Variants in CFAP54 observed in about 807,000 individuals in gnomAD.
CFAP54 encodes cilia and flagella associated protein 54.
CFAP54 carries 290 observed loss-of-function variants against 370.4 expected under a neutral mutation model. The observed-to-expected ratio is 0.78, with a 90% CI of 0.71 to 0.86. The LOEUF is 0.86. Among genes scored for constraint, CFAP54 ranks in the 40% least tolerant of loss-of-function variants. The pLI is 0.00. For synonymous variants in CFAP54, 1,206 were observed against 1,236.5 expected, an observed-to-expected ratio of 0.98 and a Z score of 0.52; for missense variants, 3,399 against 3,528.7, an observed-to-expected ratio of 0.96 and a Z score of 0.93.
chr12:96,652,331 G>A (rs946901531), intron 36 of CFAP54, among the ~76,000 whole-genome samples: 39 of 152,202 alleles, frequency 2.6e-4, no homozygotes, highest in African/African-American at 9.4e-4. Flanking sequence ...ACATACACAT[G>A]TTGTGCCATG....
At chr12:96,872,697 G>A (rs539584750) in intron 67 of CFAP54, among the ~76,000 whole-genome samples, 4 of 152,256 alleles carry the variant, frequency 2.6e-5, no homozygotes, top group Admixed American at 2.6e-4. Context: ...TGATTAGAAA[G>A]GTATTTTGAT....
At chr12:96,823,825 G>C (rs1477831400) in intron 65 of CFAP54, among the ~76,000 whole-genome samples, 1 of 152,190 alleles carries the variant, frequency 6.6e-6, no homozygotes. Context: ...ACAAGGTAGG[G>C]GCAGCACCTC....
At chr12:96,864,494 G>C (rs145157624) in intron 67 of CFAP54, among the ~76,000 whole-genome samples, 1 of 152,112 alleles carries the variant, frequency 6.6e-6, no homozygotes, top group Non-Finnish European at 1.5e-5. Context: ...CAACGTGTTC[G>C]TCACAGAACT....
At position 96,663,883 on chromosome 12, in the gene CFAP54, T is replaced by C. The variant is rs1380657108; in HGVS notation, c.5514T>C (p.Ile1838=). The C allele has an allele frequency of 6.2e-7, 1 of 1,613,426 alleles. No homozygotes were observed. The change falls in exon 39 of 68, where the codon ATT becomes ATC. Residue 1838 remains isoleucine (I), a synonymous_variant. Transcript: ENST00000524981. Reference sequence around the variant, plus strand: ...AGCTTAAGATTAATTCTTCAACCATTGAAGCAACAAGCAACTGCACAGATT... The same window carrying C: ...AGCTTAAGATTAATTCTTCAACCATCGAAGCAACAAGCAACTGCACAGATT... The part of the protein sequence containing the change: ...GKQLKINSST[I]EATSNCTDLL...
chr12:96,553,742 A>T (rs1378962626), intron 15 of CFAP54, among the ~76,000 whole-genome samples: 1 of 151,798 alleles, frequency 6.6e-6, no homozygotes, highest in African/African-American at 2.4e-5. Context: ...GAAAATCATG[A>T]TGTAGACTAA....
chr12:96,759,971 C>T (rs1249630507), intron 58 of CFAP54, among the ~76,000 whole-genome samples: 1 of 152,196 alleles, frequency 6.6e-6, no homozygotes, highest in East Asian at 1.9e-4. Context: ...ATTTCTTAAA[C>T]ATTCATTTAT....
At chr12:96,807,854 T>G (rs1958897472) in intron 63 of CFAP54, among the ~76,000 whole-genome samples, 1 of 152,174 alleles carries the variant, frequency 6.6e-6, no homozygotes, top group African/African-American at 2.4e-5. Flanking sequence ...AGAATTATTA[T>G]TGCTCTAAGC....
At chr12:96,800,391 T>C (rs1266142767) in intron 63 of CFAP54, among the ~76,000 whole-genome samples, 1 of 152,200 alleles carries the variant, frequency 6.6e-6, no homozygotes, top group Non-Finnish European at 1.5e-5. Flanking sequence ...AGCAAATTGC[T>C]TGAGTGATTT....
chr12:96,576,288 T>C (rs1955974889), intron 19 of CFAP54, among the ~76,000 whole-genome samples: 4 of 151,896 alleles, frequency 2.6e-5, no homozygotes, highest in Admixed American at 1.3e-4. Context: ...TGGTAGATAT[T>C]CAAAAGGTTC....
intron 66 of CFAP54, among the ~76,000 whole-genome samples, chr12:96,856,936 A>G (rs527797725): frequency 2.6e-5 from 4 of 152,338 alleles, no homozygotes; most frequent in South Asian, 2.1e-4. Flanking sequence ...TTGTAAAGAA[A>G]AGAGGTTTAA....
At chr12:96,669,756 G>T (rs1464854662) in intron 39 of CFAP54, among the ~76,000 whole-genome samples, 2 of 152,180 alleles carry the variant, frequency 1.3e-5, no homozygotes, top group Admixed American at 1.3e-4. Flanking sequence ...AATGAGTAGA[G>T]CTATCCAGTG....
intron 5 of CFAP54, among the ~76,000 whole-genome samples, chr12:96,514,210 A>G (rs1348636602): frequency 1.3e-5 from 2 of 152,132 alleles, no homozygotes; most frequent in African/African-American, 4.8e-5. Flanking sequence ...ATATTCTAAC[A>G]CTCAGGAGAG....
chr12:96,642,292 C>T (rs903530190), intron 32 of CFAP54, among the ~76,000 whole-genome samples: 7 of 152,016 alleles, frequency 4.6e-5, no homozygotes, highest in Middle Eastern at 3.2e-3. Flanking sequence ...GTACAGCCCT[C>T]GAGTCAATTG....
At chr12:96,589,612 A>G in intron 23 of CFAP54, 49 bp downstream of exon 23, 2 of 1,182,816 alleles carry the variant, frequency 1.7e-6, no homozygotes, top group Non-Finnish European at 2.4e-6. Flanking sequence ...TTGAAAATAT[A>G]GATGCTGGAT....
intron 20 of CFAP54, among the ~76,000 whole-genome samples, chr12:96,577,288 A>G (rs1394517373): frequency 6.6e-6 from 1 of 152,226 alleles, no homozygotes; most frequent in Non-Finnish European, 1.5e-5. Flanking sequence ...ATCTTTGTGT[A>G]TTTATTGGAA....
chr12:96,695,383 A>G (rs1308611340), intron 45 of CFAP54, among the ~76,000 whole-genome samples: 1 of 152,226 alleles, frequency 6.6e-6, no homozygotes. Flanking sequence ...AGTTTGTTGC[A>G]TGCTATTTCT....
At chr12:96,643,421 G>A (rs1000926190) in intron 32 of CFAP54, among the ~76,000 whole-genome samples, 118 of 149,950 alleles carry the variant, frequency 7.9e-4, no homozygotes, top group African/African-American at 2.9e-3. Flanking sequence ...GTGTGTGTTG[G>A]TTTAGATTCT....
intron 63 of CFAP54, among the ~76,000 whole-genome samples, chr12:96,794,300 G>A (rs965844299): frequency 9.9e-5 from 15 of 152,152 alleles, no homozygotes; most frequent in East Asian, 1.9e-4. Flanking sequence ...TAAGGCCAGC[G>A]ACATTTTCCT....
At chr12:96,722,762 T>C (rs917448487) in intron 50 of CFAP54, among the ~76,000 whole-genome samples, 9 of 152,196 alleles carry the variant, frequency 5.9e-5, no homozygotes, top group African/African-American at 2.2e-4. Flanking sequence ...CTTACCAGTG[T>C]GATAGCACTG....
Sources: gnomAD v4.1 joint callset for allele counts (sites outside exome capture counted in the v4.1 genomes callset) on GRCh38, gnomAD v4.1.1 for gene constraint, MANE v1.5 for transcripts, NCBI Gene and HGNC (gene_info 2026-07-23, HGNC 2026-07-21) for gene names.